ATP10B: variants seen among roughly 807,000 people sequenced by gnomAD.
The protein encoded by ATP10B is ATPase phospholipid transporting 10B (putative).
In ATP10B, 122 loss-of-function variants were observed where a neutral mutation model predicts 141.2. That is an observed-to-expected ratio of 0.86 (90% CI 0.75 to 1.00). The LOEUF (loss-of-function observed/expected upper bound fraction) is 1.00, where lower values mean the gene tolerates loss of function less well. Among genes scored for constraint, ATP10B ranks in the 50% least tolerant of loss-of-function variants. The pLI, the probability that ATP10B is intolerant of heterozygous loss-of-function variation, is 0.00. For synonymous variants in ATP10B, 685 were observed against 692.0 expected, an observed-to-expected ratio of 0.99 and a Z score of 0.16; for missense variants, 1,876 against 1,825.3, an observed-to-expected ratio of 1.03 and a Z score of -0.51.
intron 1 of ATP10B, among the ~76,000 whole-genome samples, chr5:160,818,591 C>T (rs955662090): frequency 1.3e-5 from 2 of 152,192 alleles, no homozygotes; most frequent in Non-Finnish European, 2.9e-5. Flanking sequence ...GTCAGTGTGG[C>T]AATTCCTCAG....
At position 160,704,914 on chromosome 5, in the gene ATP10B, C is replaced by CTTTTTTTTTTTTTTTTTTTTTT. The variant is rs1170629163; in HGVS notation, c.-205+11994_-205+11995insAAAAAAAAAAAAAAAAAAAAAA. 2.5e-3 allele frequency among the ~76,000 whole-genome samples: 212 copies of CTTTTTTTTTTTTTTTTTTTTTT among 83,638 alleles called. 15 individuals are homozygous for CTTTTTTTTTTTTTTTTTTTTTT. Among genetic ancestry groups the CTTTTTTTTTTTTTTTTTTTTTT allele is most frequent in the African/African-American group, 5.2e-3 (89 of 17,232 alleles). 54.9% of individuals were successfully genotyped at this position (83,638 alleles called of 152,430 possible). ...TGCTAGCTTCCAACATTTCTTTCAT[C>CTTTTTTTTTTTTTTTTTTTTTT]TTTTTTTTTTTTTTTTTTTTTGTTG... On this transcript the variant is annotated intron_variant, in intron 3 of 25. Coordinates refer to ENST00000327245, the MANE Select transcript of ATP10B (RefSeq NM_025153.3).
intron 3 of ATP10B, among the ~76,000 whole-genome samples, chr5:160,708,240 G>T (rs1231714220): frequency 6.6e-6 from 1 of 152,028 alleles, no homozygotes; most frequent in East Asian, 1.9e-4. Context: ...CTTTCTGAGG[G>T]TATTTTGGCT....
chr5:160,634,965 C>A (rs1024600088), intron 11 of ATP10B, among the ~76,000 whole-genome samples: 3 of 152,188 alleles, frequency 2.0e-5, no homozygotes, highest in Non-Finnish European at 4.4e-5. Context: ...TTGTTAATTT[C>A]TCCCCACTGA....
At position 160,767,645 on chromosome 5, in the gene ATP10B, C is replaced by G. The variant is rs969410995; in HGVS notation, c.-331+17914G>C. Among the ~76,000 whole-genome samples, 53 of 134,022 alleles carry G rather than the reference C, an allele frequency of 4.0e-4. 1 individual carries two copies. Among genetic ancestry groups the G allele is most frequent in the Admixed American group, 9.7e-4 (12 of 12,354 alleles). 87.9% of individuals were successfully genotyped at this position (134,022 alleles called of 152,430 possible). A position where few individuals can be genotyped will look rare whatever the true frequency, so the allele number is the denominator to read the frequency against. The stretch of plus-strand genomic sequence containing the variant: ...GGTCATGTGTGCAGAACCCCCCCCC[C>G]CAAAATAACAGGTTACTCTGACTGG... On this transcript the variant is annotated intron_variant, in intron 2 of 25. Coordinates refer to ENST00000327245, the MANE Select transcript of ATP10B (RefSeq NM_025153.3).
the ATP10B span, among the ~76,000 whole-genome samples, chr5:160,886,668 T>C: frequency 3.0e-4 from 46 of 152,148 alleles, no homozygotes; most frequent in Non-Finnish European, 5.6e-4. Flanking sequence ...AGGGAAGAAT[T>C]AACATCCCTT....
intron 2 of ATP10B, among the ~76,000 whole-genome samples, chr5:160,765,858 G>GA (rs1161766618): frequency 3.3e-5 from 5 of 151,650 alleles, no homozygotes; most frequent in African/African-American, 7.3e-5. Context: ...AAATCAGCAA[G>GA]AAAAAAACAA....
At chr5:160,606,293 A>G (rs1391414877) in intron 19 of ATP10B, among the ~76,000 whole-genome samples, 1 of 152,186 alleles carries the variant, frequency 6.6e-6, no homozygotes, top group Admixed American at 6.5e-5. Context: ...CTGGCCTCCT[A>G]TTTAGAAATA....
chr5:160,880,384 T>C, the ATP10B span, among the ~76,000 whole-genome samples: 7 of 152,004 alleles, frequency 4.6e-5, no homozygotes, highest in Admixed American at 4.6e-4. Context: ...ACTTGATCTA[T>C]AGGTTCAATA....
chr5:160,715,653 A>T (rs1270646053), intron 3 of ATP10B, among the ~76,000 whole-genome samples: 1 of 151,312 alleles, frequency 6.6e-6, no homozygotes, highest in East Asian at 1.9e-4. Flanking sequence ...CTCATAAACA[A>T]ATTTTTGTGA....
At chr5:160,632,448 G>A (rs945585480) in intron 12 of ATP10B, 81 bp from the exon 13 acceptor site, 1 of 1,342,256 alleles carries the variant, frequency 7.5e-7, no homozygotes, top group African/African-American at 1.4e-5. Context: ...TTGTGTGGGG[G>A]GTGGTAAGAG....
rs557067841 is a variant in ATP10B, at chr5:160,682,217, T to A, written c.470+3862A>T. On this transcript the variant is annotated intron_variant, in intron 6 of 25. Transcript: ENST00000327245. ...ACTGAGTTAATCAAAGATGAACAGG[T>A]TTCTTTGCTGTGTCTTTTCTTAGTC... is the stretch of plus-strand genomic sequence containing the variant. 1.4e-4 allele frequency among the ~76,000 whole-genome samples: 21 copies of A among 152,258 alleles called. No homozygotes were observed. The East Asian group carries it at 3.9e-3, about 28-fold the overall frequency.
chr5:160,593,566 G>A (rs1024690118), intron 22 of ATP10B, among the ~76,000 whole-genome samples: 3 of 152,262 alleles, frequency 2.0e-5, no homozygotes, highest in African/African-American at 7.2e-5. Context: ...AAGCTGGACA[G>A]AGAATGACTT....
At chr5:160,580,488 C>G (rs1048761549) in intron 24 of ATP10B, among the ~76,000 whole-genome samples, 1 of 152,102 alleles carries the variant, frequency 6.6e-6, no homozygotes, top group Non-Finnish European at 1.5e-5. Context: ...GTTGAACCAG[C>G]CTTGCATCCC....
At position 160,620,681 on chromosome 5, in the gene ATP10B, C is replaced by T. The variant is rs1758281341; in HGVS notation, c.2082G>A (p.Gly694=). ...MWDQGDILES[G]SGTSLEEALE... The stretch of plus-strand genomic sequence containing the variant: ...ATGCCTCCTCCAAGGAAGTGCCTGA[C>T]CCAGACTCCAGGATGTCGCCCTGGT... The change falls in exon 15 of 26, where the codon GGG becomes GGA. Residue 694 remains glycine (G), a synonymous_variant. Transcript: ENST00000327245. The T allele has an allele frequency of 1.9e-6, 3 of 1,613,742 alleles. No individual in the cohort carries two copies. The highest frequency in any genetic ancestry group is 2.5e-6 in the Non-Finnish European group (3 of 1,179,808).
chr5:160,665,618 C>T (rs1470876842), intron 7 of ATP10B, among the ~76,000 whole-genome samples: 1 of 152,202 alleles, frequency 6.6e-6, no homozygotes, highest in African/African-American at 2.4e-5. Flanking sequence ...TGTAATCTGA[C>T]TTGACCACGG....
At chr5:160,922,694 C>T in the ATP10B span, among the ~76,000 whole-genome samples, 1 of 152,248 alleles carries the variant, frequency 6.6e-6, no homozygotes, top group Non-Finnish European at 1.5e-5. Context: ...TAGACACACA[C>T]TTGTCTTAGA....
At chr5:160,635,688 A>T (rs1219948573) in intron 11 of ATP10B, among the ~76,000 whole-genome samples, 2 of 152,126 alleles carry the variant, frequency 1.3e-5, no homozygotes, top group Non-Finnish European at 2.9e-5. Context: ...CTCTTCATCA[A>T]TTACTGTCTC....
At chr5:160,846,824 C>T (rs1776153304) in intron 1 of ATP10B, among the ~76,000 whole-genome samples, 1 of 152,216 alleles carries the variant, frequency 6.6e-6, no homozygotes, top group East Asian at 1.9e-4. Flanking sequence ...TCTGTCTCTT[C>T]CTGCCACATT....
chr5:160,904,351 C>T, the ATP10B span, among the ~76,000 whole-genome samples: 4 of 152,076 alleles, frequency 2.6e-5, no homozygotes, highest in Admixed American at 6.5e-5. Flanking sequence ...ATAGTCTTTG[C>T]ATTATAGGGC....
Sources: gnomAD v4.1 joint callset for allele counts (sites outside exome capture counted in the v4.1 genomes callset) on GRCh38, gnomAD v4.1.1 for gene constraint, MANE v1.5 for transcripts, NCBI Gene and HGNC (gene_info 2026-07-23, HGNC 2026-07-21) for gene names.